The following IQGAP2 variants were observed in gnomAD, a reference collection of about 807,000 sequenced individuals.
The protein encoded by IQGAP2 is IQ motif containing GTPase activating protein 2.
A neutral mutation model predicts 201.3 loss-of-function variants in IQGAP2; 173 were observed. The observed-to-expected ratio is 0.86, with a 90% CI of 0.76 to 0.98. The LOEUF is 0.98. IQGAP2 is among the 50% of genes least tolerant of loss of function. The probability of loss-of-function intolerance (pLI) is 0.00; values close to 1 mark genes in which losing one functional copy is unlikely to be tolerated. For missense variants in IQGAP2, 1,687 were observed against 1,864.8 expected (o/e 0.90, Z 1.76); for synonymous variants, 675 against 673.9 (o/e 1.00, Z -0.03).
intron 2 of IQGAP2, among the ~76,000 whole-genome samples, chr5:76,474,500 A>G (rs1403868502): frequency 6.6e-6 from 1 of 152,138 alleles, no homozygotes; most frequent in East Asian, 1.9e-4. Flanking sequence ...GGAATTCAGG[A>G]ATTAACATTT....
intron 2 of IQGAP2, among the ~76,000 whole-genome samples, chr5:76,544,386 G>A: frequency 1.3e-5 from 2 of 152,312 alleles, no homozygotes; most frequent in East Asian, 3.9e-4. Flanking sequence ...TTGACAGAGA[G>A]AGCAGTTCCC....
chr5:76,442,424 A>C (rs914827629), intron 1 of IQGAP2, among the ~76,000 whole-genome samples: 2 of 152,206 alleles, frequency 1.3e-5, no homozygotes, highest in Non-Finnish European at 2.9e-5. Context: ...AATTGACTTA[A>C]CCCACTGAAT....
intron 2 of IQGAP2, among the ~76,000 whole-genome samples, chr5:76,525,067 C>A (rs898349146): frequency 1.3e-5 from 2 of 152,140 alleles, no homozygotes; most frequent in Non-Finnish European, 2.9e-5. Flanking sequence ...CATGGGACTG[C>A]CGTGAGACTG....
intron 1 of IQGAP2, among the ~76,000 whole-genome samples, chr5:76,456,899 A>G (rs904760028): frequency 1.3e-5 from 2 of 152,202 alleles, no homozygotes; most frequent in Admixed American, 1.3e-4. Context: ...AGCGTGGGTA[A>G]CATAGTGAGA....
chr5:76,422,110 T>C (rs1751762436), intron 1 of IQGAP2, among the ~76,000 whole-genome samples: 1 of 152,222 alleles, frequency 6.6e-6, no homozygotes, highest in Non-Finnish European at 1.5e-5. Context: ...AAATGAGTTA[T>C]TACTCTTTTA....
At chr5:76,591,127 G>A (rs1199416246) in intron 8 of IQGAP2, among the ~76,000 whole-genome samples, 1 of 152,098 alleles carries the variant, frequency 6.6e-6, no homozygotes, top group Non-Finnish European at 1.5e-5. Context: ...TGTGATGGAT[G>A]TTATATATTG....
chr5:76,595,271 T>TTC (rs1746941853), intron 9 of IQGAP2, among the ~76,000 whole-genome samples: 1 of 123,176 alleles, frequency 8.1e-6, no homozygotes, highest in African/African-American at 3.3e-5. Context: ...TTTTTTTTTT[T>TTC]CCGGACAGGG....
At chr5:76,646,631 C>T (rs1398775125) in intron 17 of IQGAP2, among the ~76,000 whole-genome samples, 2 of 152,136 alleles carry the variant, frequency 1.3e-5, no homozygotes, top group African/African-American at 4.8e-5. Flanking sequence ...AACCCATGTG[C>T]TCTTTTCAAT....
chr5:76,429,580 A>ATTTATATATATATATATATATATATT (rs1561364942), intron 1 of IQGAP2, among the ~76,000 whole-genome samples: 18 of 121,224 alleles, frequency 1.5e-4, no homozygotes, highest in African/African-American at 5.2e-4. Flanking sequence ...TCAAAAAAAA[A>ATTTATATATATATATATATATATATT]TTTATATATA....
chr5:76,636,679 G>A (rs532452805), intron 15 of IQGAP2, among the ~76,000 whole-genome samples: 4 of 152,332 alleles, frequency 2.6e-5, no homozygotes, highest in East Asian at 1.9e-4. Flanking sequence ...GGATCTTGCC[G>A]ATTGGTCTCC....
At chr5:76,650,397 T>C (rs1752423271) in intron 17 of IQGAP2, among the ~76,000 whole-genome samples, 1 of 152,246 alleles carries the variant, frequency 6.6e-6, no homozygotes, top group South Asian at 2.1e-4. Context: ...TGTATACCCT[T>C]TCTCTTTGTT....
chr5:76,629,737 T>C (rs894230704), intron 14 of IQGAP2, among the ~76,000 whole-genome samples: 1 of 152,200 alleles, frequency 6.6e-6, no homozygotes, highest in African/African-American at 2.4e-5. Context: ...AGGGGTTCTA[T>C]CACCTCCACT....
At chr5:76,491,526 A>C (rs1756537489) in intron 2 of IQGAP2, among the ~76,000 whole-genome samples, 2 of 151,848 alleles carry the variant, frequency 1.3e-5, no homozygotes, top group South Asian at 4.2e-4. Context: ...CTGGTCTCAA[A>C]CTCTTGGGCT....
chr5:76,644,295 C>T (rs1339765610), intron 17 of IQGAP2, among the ~76,000 whole-genome samples: 4 of 47,786 alleles, frequency 8.4e-5, no homozygotes, highest in Admixed American at 2.3e-4. Context: ...TTTGTAAATC[C>T]TTTTTTTTTT....
intron 2 of IQGAP2, among the ~76,000 whole-genome samples, chr5:76,484,738 C>T: frequency 6.6e-6 from 1 of 152,064 alleles, no homozygotes; most frequent in Non-Finnish European, 1.5e-5. Flanking sequence ...GCAGCTTTGA[C>T]CTCCTGGACT....
chr5:76,663,395 A>G (rs1743442244), intron 21 of IQGAP2, among the ~76,000 whole-genome samples: 1 of 152,180 alleles, frequency 6.6e-6, no homozygotes, highest in Non-Finnish European at 1.5e-5. Context: ...TAGGAAAAGC[A>G]ACTTTCTTGC....
At chr5:76,607,557 GTC>G (rs1747902244) in intron 12 of IQGAP2, 2 of 152,208 alleles carry the variant, frequency 1.3e-5, no homozygotes, top group African/African-American at 4.8e-5. Flanking sequence ...AGCATTTAAA[GTC>G]TCTGCGGTGA....
At chr5:76,438,105 A>G (rs1318101744) in intron 1 of IQGAP2, among the ~76,000 whole-genome samples, 1 of 149,556 alleles carries the variant, frequency 6.7e-6, no homozygotes, top group Non-Finnish European at 1.5e-5. Context: ...CTTTCATAGA[A>G]TGAGTTAGGG....
intron 17 of IQGAP2, among the ~76,000 whole-genome samples, chr5:76,648,217 A>T (rs1333622870): frequency 6.6e-6 from 1 of 152,154 alleles, no homozygotes; most frequent in Non-Finnish European, 1.5e-5. Flanking sequence ...CCACCTTAGT[A>T]GTAAGGTTCC....
Sources: gnomAD v4.1 joint callset for allele counts (sites outside exome capture counted in the v4.1 genomes callset) on GRCh38, gnomAD v4.1.1 for gene constraint, MANE v1.5 for transcripts, NCBI Gene and HGNC (gene_info 2026-07-23, HGNC 2026-07-21) for gene names.